The following DPP3 variants were observed in gnomAD, a reference collection of about 807,000 sequenced individuals.
DPP3 encodes the protein DPP III.
In DPP3, 64 loss-of-function variants were observed where a neutral mutation model predicts 89.8. The observed-to-expected ratio is 0.71, with a 90% CI of 0.58 to 0.88. The LOEUF (loss-of-function observed/expected upper bound fraction) is 0.88, where lower values mean the gene tolerates loss of function less well. Among genes scored for constraint, DPP3 ranks in the 40% least tolerant of loss-of-function variants. The pLI is 0.00. For missense variants in DPP3, 835 were observed against 972.5 expected (o/e 0.86, Z 1.88); for synonymous variants, 377 against 404.3 (o/e 0.93, Z 0.81).
At chr11:66,494,248 G>A (rs939672617) in intron 12 of DPP3, among the ~76,000 whole-genome samples, 12 of 152,146 alleles carry the variant, frequency 7.9e-5, no homozygotes, top group Non-Finnish European at 1.6e-4. Context: ...AAAAGCTGAT[G>A]TGGACCCCCA....
chr11:66,494,975 G>C (rs895048551), intron 12 of DPP3, among the ~76,000 whole-genome samples: 1 of 152,192 alleles, frequency 6.6e-6, no homozygotes, highest in Non-Finnish European at 1.5e-5. Context: ...TCTCTGTGTG[G>C]TGGGGTAGGC....
chr11:66,483,570 T>A (rs908855416), intron 2 of DPP3, among the ~76,000 whole-genome samples: 5 of 152,196 alleles, frequency 3.3e-5, no homozygotes, highest in Non-Finnish European at 5.9e-5. Flanking sequence ...ATAATCAATT[T>A]AATCTTCATT....
chr11:66,499,320 G>T (rs879697876), intron 16 of DPP3, among the ~76,000 whole-genome samples: 1 of 150,146 alleles, frequency 6.7e-6, no homozygotes, highest in South Asian at 2.1e-4. Flanking sequence ...CCGAGATTGC[G>T]CCACTGCACT....
At chr11:66,495,872 C>T in intron 15 of DPP3, 122 bp downstream of exon 15, 3 of 1,460,880 alleles carry the variant, frequency 2.1e-6, no homozygotes, top group Non-Finnish European at 1.8e-6. Context: ...TGCTAGACTC[C>T]ACTGTTTGGG....
At chr11:66,497,152 T>G in intron 15 of DPP3, 146 bp from the exon 16 acceptor site, 1 of 971,950 alleles carries the variant, frequency 1.0e-6, no homozygotes, top group Non-Finnish European at 1.5e-6. Context: ...ACCCGCAGGG[T>G]TGGGGAGAAT....
chr11:66,485,099 C>T, intron 2 of DPP3, 74 bp from the exon 3 acceptor site: 2 of 1,399,926 alleles, frequency 1.4e-6, no homozygotes, highest in Non-Finnish European at 2.0e-6. Flanking sequence ...GGGGCATTCG[C>T]ATCTCAGGAG....
At position 66,496,417 on chromosome 11, in the gene DPP3, A is replaced by AT. The variant is rs1284238665; in HGVS notation, c.1698+677dup. On this transcript the variant is annotated intron_variant, in intron 15 of 17. Transcript: ENST00000531863. ...CCACCACACCCGGCTAATTTTTTGT[A>AT]TTTTTTTTTTCTTTTGAGACAGAGT... Among the ~76,000 whole-genome samples, 523 of 114,064 alleles carry AT rather than the reference A, an allele frequency of 4.6e-3. 4 individuals carry two copies. The highest frequency in any genetic ancestry group is 8.6e-3 in the Admixed American group (98 of 11,416). The allele number at this position is 114,064 out of a possible 152,430, so 74.8% of individuals were successfully genotyped here.
rs200627860 is a variant in DPP3, at chr11:66,480,464, A to C, written c.-10A>C. On this transcript the variant is annotated splice_region_variant and 5_prime_UTR_variant, in exon 1 of 18. Coordinates refer to ENST00000531863, the MANE Select transcript of DPP3 (RefSeq NM_130443.4). ...AGTTTGCGAACGGAGCAGCTGCTGC[A>C]GGTGAGGCGCGGCGCCTGGGCTTTT... 43 of 1,489,998 alleles carry C rather than the reference A, an allele frequency of 2.9e-5. No individual in the cohort carries two copies. The South Asian group carries it at 3.2e-4, about 11-fold the overall frequency. 92.3% of individuals were successfully genotyped at this position (1,489,998 alleles called of 1,614,324 possible). A position where few individuals can be genotyped will look rare whatever the true frequency, so the allele number is the denominator to read the frequency against.
rs1176128521 is a variant in DPP3 at position 66,493,615 on chromosome 11, TG to T, written c.1373del (p.Gly458AlafsTer19). The T allele has an allele frequency of 6.2e-7, 1 of 1,612,474 alleles. No individual in the cohort carries two copies. Among genetic ancestry groups the T allele is most frequent in the Admixed American group, 1.7e-5 (1 of 59,948 alleles). ...TGCACGAGCTGCTGGGCCATGGCAGTGGCAAGCTCTTCGTACAGGTGAGAAG... is the reference window on the plus strand; with the variant it reads ...TGCACGAGCTGCTGGGCCATGGCAGTGCAAGCTCTTCGTACAGGTGAGAAG... ...GLHELLGHGS[G>X]KLFVQDEKGA... On this transcript the variant is annotated frameshift_variant, in exon 12 of 18. Transcript: ENST00000531863. LOFTEE classifies it high-confidence loss of function.
intron 6 of DPP3, 47 bp from the exon 7 acceptor site, chr11:66,491,206 G>A (rs200302996): frequency 2.0e-5 from 32 of 1,609,256 alleles, no homozygotes; most frequent in Non-Finnish European, 2.5e-5. Flanking sequence ...TCTGAGTGAG[G>A]CCTCTTACTC....
intron 9 of DPP3, 63 bp downstream of exon 9, chr11:66,491,819 A>G: frequency 6.3e-7 from 1 of 1,584,996 alleles, no homozygotes; most frequent in East Asian, 2.3e-5. Flanking sequence ...CCACGTTTCC[A>G]GTGTCCCCTG....
At chr11:66,507,294 C>T (rs775983344) in intron 17 of DPP3, among the ~76,000 whole-genome samples, 9 of 151,850 alleles carry the variant, frequency 5.9e-5, no homozygotes, top group Middle Eastern at 3.2e-3. Context: ...GGTGAAACCC[C>T]GTCTCTACTA....
At position 66,504,645 on chromosome 11, in the gene DPP3, C is replaced by CG; in HGVS notation, c.1915dup (p.Ala639GlyfsTer11). ...GTCCACAGGGGATGTGGCCGGAGGG[C>CG]GGGCCCTGTACGAGGGGTATGCAAC... On this transcript the variant is annotated frameshift_variant, in exon 17 of 18. Transcript: ENST00000531863. LOFTEE classifies it high-confidence loss of function. 6.2e-7 allele frequency: 1 copy of CG among 1,612,602 alleles called. No individual in the cohort carries two copies. Among genetic ancestry groups the CG allele is most frequent in the East Asian group, 2.2e-5 (1 of 44,814 alleles).
rs1050022008 is a variant in DPP3, at chr11:66,488,061, G to C, written c.667+54G>C. The C allele has an allele frequency of 5.9e-6, 9 of 1,536,618 alleles. No individual in the cohort carries two copies. The African/African-American group carries it at 1.1e-4, about 19-fold the overall frequency. ...CTCCCTCCTGGGCATTTCCGGACCT[G>C]GGTGGCTCAGGTCCTACCAACTCTG... On this transcript the variant is annotated intron_variant, in intron 6 of 17. Transcript: ENST00000531863.
intron 2 of DPP3, chr11:66,483,275 C>T (rs529668718): frequency 1.3e-5 from 2 of 152,344 alleles, no homozygotes; most frequent in South Asian, 2.1e-4. Context: ...GATCCACTTG[C>T]CTTAGCCTCC....
chr11:66,503,713 C>T (rs993643105), intron 16 of DPP3, among the ~76,000 whole-genome samples: 1 of 152,082 alleles, frequency 6.6e-6, no homozygotes, highest in African/African-American at 2.4e-5. Flanking sequence ...TGGTGAAATC[C>T]CATCTCTACT....
At chr11:66,493,516 C>T (rs372708867) in intron 11 of DPP3, 25 bp from the exon 12 acceptor site, 24 of 1,609,830 alleles carry the variant, frequency 1.5e-5, no homozygotes, top group Non-Finnish European at 2.0e-5. Flanking sequence ...CAGTGGACAG[C>T]GCGGGTCTCT....
At position 66,493,578 on chromosome 11, in the gene DPP3, T is replaced by C; in HGVS notation, c.1334T>C (p.Val445Ala). ...CTCTGGAAGGGGCCCTCCTTCGATG[T>C]GCAGGTGGGCCTGCACGAGCTGCTG... ...YILWKGPSFDVQVGLHELLGH... is the reference protein window; with the variant it reads ...YILWKGPSFDAQVGLHELLGH... Residue 445 changes from valine to alanine, a missense_variant, in exon 12 of 18, where the codon GTG (valine) becomes GCG (alanine). Coordinates refer to ENST00000531863, the MANE Select transcript of DPP3 (RefSeq NM_130443.4). 1 of 1,613,184 alleles carries C rather than the reference T, an allele frequency of 6.2e-7. No individual in the cohort carries two copies. Among genetic ancestry groups the C allele is most frequent in the South Asian group, 1.1e-5 (1 of 91,060 alleles).
At chr11:66,495,554 G>A (rs967594877) in intron 14 of DPP3, 65 bp downstream of exon 14, 12 of 1,612,254 alleles carry the variant, frequency 7.4e-6, no homozygotes, top group Non-Finnish European at 1.0e-5. Flanking sequence ...GGGCGTGGAG[G>A]GTGGGTGGTA....
Sources: gnomAD v4.1 joint callset for allele counts (sites outside exome capture counted in the v4.1 genomes callset) on GRCh38, gnomAD v4.1.1 for gene constraint, MANE v1.5 for transcripts, NCBI Gene and HGNC (gene_info 2026-07-23, HGNC 2026-07-21) for gene names.